The following MMEL1 variants were observed in gnomAD, a reference collection of about 807,000 sequenced individuals.
MMEL1 encodes membrane metallo-endopeptidase-like 1.
A neutral mutation model predicts 117.1 loss-of-function variants in MMEL1; 98 were observed. The observed-to-expected ratio is 0.84, with a 90% confidence interval of 0.71 to 0.99. MMEL1 has a LOEUF of 0.99. Ranked by LOEUF, MMEL1 falls within the 50% of genes least tolerant of loss-of-function variation. MMEL1 has a pLI of 0.00. For synonymous variants in MMEL1, 390 were observed against 415.1 expected, an observed-to-expected ratio of 0.94 and a Z score of 0.74; for missense variants, 1,014 against 1,049.1, an observed-to-expected ratio of 0.97 and a Z score of 0.46.
At chr1:2,621,572 A>ATTTTTTTTT (rs76715186) in intron 2 of MMEL1, among the ~76,000 whole-genome samples, 1 of 145,850 alleles carries the variant, frequency 6.9e-6, no homozygotes, top group African/African-American at 2.5e-5. Flanking sequence ...ACCAATGCAC[A>ATTTTTTTTT]TTTTTTTTTT....
chr1:2,593,110 G>T, intron 19 of MMEL1, 144 bp from the exon 20 acceptor site: 1 of 1,081,376 alleles, frequency 9.2e-7, no homozygotes, highest in Non-Finnish European at 1.3e-6. Flanking sequence ...GGCTGAGCCT[G>T]GAAGAGCATC....
chr1:2,612,170 G>T lies in MMEL1; in HGVS notation c.189C>A (p.Cys63Ter). The stretch of plus-strand genomic sequence containing the variant: ...CAAAGGTCCTCTCCTCCTGTAAGAA[G>T]CACAGCCGGCTAGCAAGGCGTGGCA... The part of the protein sequence containing the change: ...KQLPRLASRL[C>*]FLQEERTFVK... Residue 63 changes from cysteine (C) to a stop codon, truncating the protein, a stop_gained, in exon 3 of 24, where the codon TGC becomes TGA. Coordinates refer to ENST00000378412, the MANE Select transcript of MMEL1 (RefSeq NM_033467.4). LOFTEE classifies it high-confidence loss of function. The surrounding 1 kb of genome is among the most constrained non-coding windows in gnomAD (Gnocchi z 5.4). 1.3e-6 allele frequency: 2 copies of T among 1,581,044 alleles called. No homozygotes were observed. The highest frequency in any genetic ancestry group is 4.6e-5 in the East Asian group (2 of 43,332).
In MMEL1 at chr1:2,601,840, C is replaced by G. The variant is rs377357282; in HGVS notation, c.1041+2044G>C. ...GCCCTTGGGGAAAGTCACATTGAAC[C>G]CAGATGAAACCCCACTACACAGGTG... On this transcript the variant is annotated intron_variant, in intron 11 of 23. Coordinates refer to ENST00000378412, the MANE Select transcript of MMEL1 (RefSeq NM_033467.4). 7.9e-5 allele frequency among the ~76,000 whole-genome samples: 12 copies of G among 152,372 alleles called. No homozygotes were observed. The East Asian group carries it at 2.1e-3, about 27-fold the overall frequency.
At chr1:2,619,672 A>G (rs1645262000) in intron 2 of MMEL1, among the ~76,000 whole-genome samples, 1 of 147,924 alleles carries the variant, frequency 6.8e-6, no homozygotes, top group Non-Finnish European at 1.5e-5. Context: ...AAAAAAAAAA[A>G]AAATCAAAAG....
At chr1:2,593,741 C>T in intron 19 of MMEL1, 73 bp downstream of exon 19, 4 of 1,490,538 alleles carry the variant, frequency 2.7e-6, no homozygotes, top group Non-Finnish European at 3.6e-6. Context: ...GAATGGAGCG[C>T]CCCCAGGCCC....
intron 5 of MMEL1, 107 bp from the exon 6 acceptor site, chr1:2,609,526 G>T: frequency 6.6e-7 from 1 of 1,512,192 alleles, no homozygotes; most frequent in Non-Finnish European, 9.0e-7. Flanking sequence ...CCCCCCAGCT[G>T]CTGGGTCTTT....
chr1:2,608,333 T>G (rs554570154), intron 6 of MMEL1, among the ~76,000 whole-genome samples: 8 of 152,176 alleles, frequency 5.3e-5, no homozygotes, highest in Non-Finnish European at 1.2e-4. Context: ...GACCCCCAAG[T>G]GGAGGAGTTA....
In MMEL1 at chr1:2,609,490, C is replaced by T. The variant is rs1645091965; in HGVS notation, c.455-71G>A. The T allele has an allele frequency of 1.4e-5, 21 of 1,545,008 alleles. No individual in the cohort carries two copies. The South Asian group carries it at 2.4e-4, about 18-fold the overall frequency. On this transcript the variant is annotated intron_variant, in intron 5 of 23. Transcript: ENST00000378412. ...GGGGCCAGGTCACAGGTCCCTACAC[C>T]CCCTGAAGTGCTCGGCGAGAGGCGG...
At chr1:2,591,746 T>A in intron 22 of MMEL1, 113 bp from the exon 23 acceptor site, 1 of 1,062,758 alleles carries the variant, frequency 9.4e-7, no homozygotes, top group Non-Finnish European at 1.5e-6. Context: ...GTGAGGGGAG[T>A]CAGCAGGTGC....
chr1:2,619,223 A>G (rs1024022044), intron 2 of MMEL1, among the ~76,000 whole-genome samples: 1 of 152,230 alleles, frequency 6.6e-6, no homozygotes, highest in Non-Finnish European at 1.5e-5. Flanking sequence ...GCTGAGCCCA[A>G]CCTAGGTCAG....
In MMEL1 at chr1:2,594,410, G is replaced by C; in HGVS notation, c.1722C>G (p.Phe574Leu). ...CAATCTGGTTTCGGTTTGGGGAGTA[G>C]AACGCATTGACCACCGCCGCCCCGA... ...WIIGAAVVNA[F>L]YSPNRNQIVF... The change falls in exon 18 of 24, where the codon TTC (phenylalanine) becomes TTG (leucine). Residue 574 changes from phenylalanine to leucine, a missense_variant. Coordinates refer to ENST00000378412, the MANE Select transcript of MMEL1 (RefSeq NM_033467.4). 1.3e-6 allele frequency: 2 copies of C among 1,551,700 alleles called. No individual in the cohort carries two copies. The highest frequency in any genetic ancestry group is 1.7e-6 in the Non-Finnish European group (2 of 1,146,986).
intron 4 of MMEL1, among the ~76,000 whole-genome samples, chr1:2,610,756 G>A (rs1418547999): frequency 6.6e-6 from 1 of 152,176 alleles, no homozygotes; most frequent in East Asian, 1.9e-4. Flanking sequence ...CTCAAATTCT[G>A]TCCAACTTGG....
intron 1 of MMEL1, 192 bp from the exon 2 acceptor site, chr1:2,629,713 ATC>A (rs1557564536): frequency 1.9e-6 from 1 of 514,072 alleles, no homozygotes. Flanking sequence ...CTGGGCCGGA[ATC>A]TCTGAGTGCA....
Position 2,594,859 on chromosome 1 carries a change from C to G in MMEL1, c.1619G>C (p.Ser540Thr), listed in dbSNP as rs369298880. The change falls in exon 17 of 24, where the codon AGT (serine) becomes ACT (threonine). Residue 540 changes from serine (S) to threonine (T), a missense_variant. Transcript: ENST00000378412. ...NFSEDLYFEN[S>T]LQNLKVGAQR... ...GGCGCCCACCTTGAGGTTCTGCAGA[C>G]TGTTCTCAAAGTACAGGTCCTCTGA... 3 of 1,613,952 alleles carry G rather than the reference C, an allele frequency of 1.9e-6. No individual in the cohort carries two copies. Among genetic ancestry groups the G allele is most frequent in the Admixed American group, 3.3e-5 (2 of 60,004 alleles).
chr1:2,620,253 G>A (rs961705229), intron 2 of MMEL1, among the ~76,000 whole-genome samples: 2 of 152,172 alleles, frequency 1.3e-5, no homozygotes, highest in East Asian at 3.8e-4. Flanking sequence ...ACAGCAGCAA[G>A]GGGAGTCAGA....
chr1:2,616,816 C>G (rs1366215127), intron 2 of MMEL1, among the ~76,000 whole-genome samples: 2 of 152,220 alleles, frequency 1.3e-5, no homozygotes, highest in African/African-American at 4.8e-5. Flanking sequence ...TTCATGCCTC[C>G]TTCATGCCTG....
At chr1:2,591,413 C>G (rs61765768) in intron 23 of MMEL1, 144 bp downstream of exon 23, 2 of 698,504 alleles carry the variant, frequency 2.9e-6, no homozygotes, top group East Asian at 2.6e-5. Context: ...TGACCGAAAT[C>G]GGCCAGAAGC....
intron 1 of MMEL1, among the ~76,000 whole-genome samples, chr1:2,630,547 G>A (rs557828195): frequency 7.0e-5 from 10 of 142,188 alleles, no homozygotes; most frequent in African/African-American, 2.4e-4. Flanking sequence ...CACTGTCTAC[G>A]CTCATGTGTG....
intron 6 of MMEL1, among the ~76,000 whole-genome samples, chr1:2,608,809 C>T (rs1374306525): frequency 1.3e-5 from 2 of 151,894 alleles, no homozygotes; most frequent in African/African-American, 2.4e-5. Flanking sequence ...TACATATACA[C>T]ATATACATAA....
Sources: allele counts gnomAD v4.1 joint callset (sites outside exome capture counted in the v4.1 genomes callset), GRCh38; gene constraint gnomAD v4.1.1; non-coding constraint Gnocchi (gnomAD v3.1); transcripts MANE v1.5; gene names NCBI Gene and HGNC (gene_info 2026-07-23, HGNC 2026-07-21).